The following PREX1 variants were observed in gnomAD, a reference collection of about 807,000 sequenced individuals.
PREX1 encodes the protein phosphatidylinositol-3,4,5-trisphosphate dependent Rac exchange factor 1.
In PREX1, 41 loss-of-function variants were observed where a neutral mutation model predicts 198.3. The observed-to-expected ratio is 0.21, with a 90% CI of 0.16 to 0.27. The LOEUF (loss-of-function observed/expected upper bound fraction) is 0.27, where lower values mean the gene tolerates loss of function less well. Ranked by LOEUF, PREX1 falls within the 10% of genes least tolerant of loss-of-function variation. PREX1 has a pLI of 1.00. For synonymous variants in PREX1, 843 were observed against 887.2 expected, an observed-to-expected ratio of 0.95 and a Z score of 0.89; for missense variants, 1,620 against 2,200.7, an observed-to-expected ratio of 0.74 and a Z score of 5.28.
chr20:48,800,440 A>G (rs2090381417), intron 1 of PREX1, among the ~76,000 whole-genome samples: 1 of 152,208 alleles, frequency 6.6e-6, no homozygotes, highest in Admixed American at 6.5e-5. Context: ...ATCAGTGAGA[A>G]TAAAGATAAT....
intron 6 of PREX1, among the ~76,000 whole-genome samples, chr20:48,705,822 A>G (rs1424584818): frequency 6.6e-6 from 1 of 152,236 alleles, no homozygotes; most frequent in Non-Finnish European, 1.5e-5. Context: ...AACCAAAAAA[A>G]TAACTTCAGA....
At chr20:48,676,754 C>T (rs2089712330) in intron 13 of PREX1, among the ~76,000 whole-genome samples, 1 of 152,242 alleles carries the variant, frequency 6.6e-6, no homozygotes, top group Non-Finnish European at 1.5e-5. Flanking sequence ...GCCATGTTGA[C>T]TCTCACAGAG....
rs150373691 is a variant in PREX1, at chr20:48,720,780, G to A, written c.621+5510C>T. Among the ~76,000 whole-genome samples, 446 of 151,628 alleles carry A rather than the reference G, an allele frequency of 2.9e-3. 6 individuals are homozygous for A. The East Asian group carries it at 0.043, about 15-fold the overall frequency. On this transcript the variant is annotated intron_variant, in intron 5 of 39. Coordinates refer to ENST00000371941, the MANE Select transcript of PREX1 (RefSeq NM_020820.4). ...CTCACTCAGTCCATCCCAGGAGCGC[G>A]GACCTCAGTATCAGCCACTTTCCTC... is the stretch of plus-strand genomic sequence containing the variant.
At chr20:48,741,582 T>G (rs1047462325) in intron 3 of PREX1, among the ~76,000 whole-genome samples, 1 of 152,164 alleles carries the variant, frequency 6.6e-6, no homozygotes, top group African/African-American at 2.4e-5. Context: ...AGAGTCCCTG[T>G]CCTCATGTTG....
intron 1 of PREX1, among the ~76,000 whole-genome samples, chr20:48,758,507 C>T (rs2090164982): frequency 6.6e-6 from 1 of 152,186 alleles, no homozygotes; most frequent in South Asian, 2.1e-4. Context: ...AGCACCGCAG[C>T]CACACAGGCC....
intron 9 of PREX1, 123 bp from the exon 10 acceptor site, chr20:48,688,927 C>T: frequency 1.7e-6 from 2 of 1,152,382 alleles, no homozygotes; most frequent in Non-Finnish European, 2.5e-6. Context: ...ACCACCTGCC[C>T]TCCACCACCA....
chr20:48,745,611 C>T (rs554665625), intron 2 of PREX1, among the ~76,000 whole-genome samples: 7 of 152,284 alleles, frequency 4.6e-5, no homozygotes, highest in South Asian at 2.1e-4. Context: ...ATTAAAATGA[C>T]GTGGTAGAAG....
At position 48,827,258 on chromosome 20, in the gene PREX1, G is replaced by A. The variant is rs989892989; in HGVS notation, c.219+384C>T. Among the ~76,000 whole-genome samples the A allele has an allele frequency of 1.3e-5, 2 of 152,260 alleles. No homozygotes were observed. Among genetic ancestry groups the A allele is most frequent in the South Asian group, 2.1e-4 (1 of 4,830 alleles). ...ATGTCCTAGATGAGTGGTGCACCGG[G>A]CGCGTAGTTATTCCTGGGAAAAAGA... On this transcript the variant is annotated intron_variant, in intron 1 of 39. Transcript: ENST00000371941. The surrounding 1 kb of genome is among the most constrained non-coding windows in gnomAD (Gnocchi z 4.1).
intron 5 of PREX1, among the ~76,000 whole-genome samples, chr20:48,710,705 G>A (rs940627443): frequency 6.6e-6 from 1 of 152,246 alleles, no homozygotes; most frequent in Non-Finnish European, 1.5e-5. Flanking sequence ...GACAATGAGT[G>A]AGGGAAGTGC....
chr20:48,860,499 T>C, the PREX1 span, among the ~76,000 whole-genome samples: 1 of 152,108 alleles, frequency 6.6e-6, no homozygotes, highest in African/African-American at 2.4e-5. Context: ...AACTGTACAT[T>C]TAGAAATAGT....
intron 5 of PREX1, among the ~76,000 whole-genome samples, chr20:48,712,482 C>T (rs2123097278): frequency 6.6e-6 from 1 of 152,372 alleles, no homozygotes; most frequent in Non-Finnish European, 1.5e-5. Context: ...ACCATATCTG[C>T]TCCTCCCAAA....
At chr20:48,852,834 G>A in the PREX1 span, among the ~76,000 whole-genome samples, 1 of 152,340 alleles carries the variant, frequency 6.6e-6, no homozygotes, top group African/African-American at 2.4e-5. Context: ...ATACAGCCTT[G>A]AAAAGTATCA....
At chr20:48,673,728 C>T (rs1049429585) in intron 14 of PREX1, among the ~76,000 whole-genome samples, 2 of 152,166 alleles carry the variant, frequency 1.3e-5, no homozygotes, top group East Asian at 1.9e-4. Context: ...TTACTGGTCT[C>T]GTGGTCCCCA....
At chr20:48,793,924 C>G (rs1439255251) in intron 1 of PREX1, among the ~76,000 whole-genome samples, 1 of 152,218 alleles carries the variant, frequency 6.6e-6, no homozygotes, top group African/African-American at 2.4e-5. Flanking sequence ...ATGGCTGGCT[C>G]AGATGTCAAA....
chr20:48,658,425 C>T (rs1377707178), intron 16 of PREX1, among the ~76,000 whole-genome samples, 197 bp from the exon 17 acceptor site: 3 of 152,234 alleles, frequency 2.0e-5, no homozygotes, highest in Non-Finnish European at 2.9e-5. Context: ...ACTGGCTTAA[C>T]GAATCACACG....
chr20:48,714,279 C>A (rs566764299), intron 5 of PREX1, among the ~76,000 whole-genome samples: 51 of 152,092 alleles, frequency 3.4e-4, no homozygotes, highest in Non-Finnish European at 6.0e-4. Flanking sequence ...ATGACACTAC[C>A]CCAACGTGAA....
chr20:48,765,827 A>G (rs2090205524), intron 1 of PREX1, among the ~76,000 whole-genome samples: 1 of 152,210 alleles, frequency 6.6e-6, no homozygotes, highest in African/African-American at 2.4e-5. Flanking sequence ...GGCTGTTAGG[A>G]ACCGGGCCAC....
intron 1 of PREX1, among the ~76,000 whole-genome samples, chr20:48,791,420 A>G (rs2090338366): frequency 6.6e-6 from 1 of 152,254 alleles, no homozygotes; most frequent in Non-Finnish European, 1.5e-5. Flanking sequence ...ACCAAGGCAC[A>G]GAGGTCAAGT....
intron 6 of PREX1, among the ~76,000 whole-genome samples, chr20:48,704,550 T>G (rs191523349): frequency 1.4e-3 from 210 of 151,256 alleles, no homozygotes; most frequent in African/African-American, 4.9e-3. Flanking sequence ...CTTTCCTTCC[T>G]TCCTTCCTCC....
Sources: allele counts gnomAD v4.1 joint callset (sites outside exome capture counted in the v4.1 genomes callset), GRCh38; gene constraint gnomAD v4.1.1; non-coding constraint Gnocchi (gnomAD v3.1); transcripts MANE v1.5; gene names NCBI Gene and HGNC (gene_info 2026-07-23, HGNC 2026-07-21).